Variants in SAMM50 observed in about 807,000 individuals in gnomAD.
The protein encoded by SAMM50 is SAMM50 sorting and assembly machinery component.
A neutral mutation model predicts 66.9 loss-of-function variants in SAMM50; 47 were observed. That is an observed-to-expected ratio of 0.70 (90% CI 0.56 to 0.90). The LOEUF (loss-of-function observed/expected upper bound fraction) is 0.90. Ranked by LOEUF, SAMM50 falls within the 40% of genes least tolerant of loss-of-function variation. The pLI, the probability that SAMM50 is intolerant of heterozygous loss-of-function variation, is 0.00. For missense variants in SAMM50, 535 were observed against 595.3 expected, an observed-to-expected ratio of 0.90 and a Z score of 1.05; for synonymous variants, 191 against 214.1, an observed-to-expected ratio of 0.89 and a Z score of 0.94.
intron 12 of SAMM50, among the ~76,000 whole-genome samples, chr22:43,985,337 A>T (rs549715742): frequency 6.6e-6 from 1 of 152,108 alleles, no homozygotes; most frequent in African/African-American, 2.4e-5. Context: ...TCACTGCGCT[A>T]AAAATGCTGG....
intron 4 of SAMM50, among the ~76,000 whole-genome samples, chr22:43,970,088 A>G (rs987811318): frequency 2.0e-5 from 3 of 152,224 alleles, no homozygotes; most frequent in Non-Finnish European, 4.4e-5. Flanking sequence ...AGTTTCAGCC[A>G]ACACTAACAG....
At chr22:43,971,898 A>G (rs1020212215) in intron 4 of SAMM50, among the ~76,000 whole-genome samples, 31 of 151,972 alleles carry the variant, frequency 2.0e-4, no homozygotes, top group African/African-American at 6.8e-4. Flanking sequence ...TTTTGTAGCT[A>G]TGTTGCTGGG....
intron 14 of SAMM50, 150 bp from the exon 15 acceptor site, chr22:43,996,188 G>A (rs2050353121): frequency 3.7e-6 from 3 of 809,206 alleles, no homozygotes; most frequent in Admixed American, 1.8e-5. Context: ...AGCCGGGGCC[G>A]GTGAGGGTGA....
intron 14 of SAMM50, among the ~76,000 whole-genome samples, chr22:43,994,843 C>T (rs145758258): frequency 1.0e-3 from 152 of 152,250 alleles, no homozygotes; most frequent in African/African-American, 3.5e-3. Context: ...GAGCATAAAC[C>T]TATGCTTGTG....
rs1603419900 is a variant in SAMM50 at position 43,983,537 on chromosome 22, A to G, written c.1008-396A>G. Among the ~76,000 whole-genome samples, 2 of 152,180 alleles carry G rather than the reference A, an allele frequency of 1.3e-5. No individual in the cohort carries two copies. The highest frequency in any genetic ancestry group is 3.8e-4 in the East Asian group (2 of 5,206). On this transcript the variant is annotated intron_variant, in intron 11 of 14. Transcript: ENST00000350028. The surrounding 1 kb of genome is among the most constrained non-coding windows in gnomAD (Gnocchi z 4.2). ...TGTAATATTGGGATTATACTATTAA[A>G]TAATTTGTATCCTGCTCTTCTTCCC...
At chr22:43,969,426 C>T (rs372257303) in intron 4 of SAMM50, among the ~76,000 whole-genome samples, 25 of 152,288 alleles carry the variant, frequency 1.6e-4, no homozygotes, top group East Asian at 1.3e-3. Flanking sequence ...AGACACAGGG[C>T]GTGGTCTCCT....
intron 13 of SAMM50, among the ~76,000 whole-genome samples, chr22:43,990,055 G>A (rs989099201): frequency 4.6e-5 from 7 of 152,228 alleles, no homozygotes; most frequent in African/African-American, 1.2e-4. Context: ...TTGAGAAGGC[G>A]TGGCTCATTC....
rs1461193272 is a variant in SAMM50 at position 43,977,875 on chromosome 22, C to A, written c.853C>A (p.Leu285Met). The change falls in exon 10 of 15, where the codon CTG becomes ATG. Residue 285 changes from leucine to methionine, a missense_variant. Coordinates refer to ENST00000350028, the MANE Select transcript of SAMM50 (RefSeq NM_015380.5). The stretch of plus-strand genomic sequence containing the variant: ...CCTGAGTGCTCCTTCCCTGCAGGAA[C>A]TGGCAGGCTACACTGGCGGGGATGT... ...RGALLKVNQE[L>M]AGYTGGDVSF... The A allele has an allele frequency of 6.2e-7, 1 of 1,613,268 alleles. No individual in the cohort carries two copies. Among genetic ancestry groups the A allele is most frequent in the East Asian group, 2.2e-5 (1 of 44,864 alleles).
rs2050125592 is a variant in SAMM50 at position 43,957,441 on chromosome 22, G to A, written c.21+1843G>A. ...GGTTAATTGTAACTACATTTCTTTT[G>A]AGATGGAGTCTCACTGTGTTGCCCA... On this transcript the variant is annotated intron_variant, in intron 1 of 14. Coordinates refer to ENST00000350028, the MANE Select transcript of SAMM50 (RefSeq NM_015380.5). 4 of 283,930 alleles carry A rather than the reference G, an allele frequency of 1.4e-5. No homozygotes were observed. The South Asian group carries it at 1.5e-4, about 10-fold the overall frequency. 17.6% of individuals were successfully genotyped at this position (283,930 alleles called of 1,614,324 possible). A position where few individuals can be genotyped will look rare whatever the true frequency, so the allele number is the denominator to read the frequency against.
intron 9 of SAMM50, 50 bp downstream of exon 9, chr22:43,976,871 T>C: frequency 8.5e-7 from 1 of 1,180,680 alleles, no homozygotes; most frequent in Non-Finnish European, 1.2e-6. Flanking sequence ...AGCCAAACTT[T>C]GGACAGTAGA....
Position 43,989,252 on chromosome 22 carries a change from AC to A in SAMM50, c.1218del (p.Tyr407MetfsTer60). On this transcript the variant is annotated frameshift_variant, in exon 13 of 15. Coordinates refer to ENST00000350028, the MANE Select transcript of SAMM50 (RefSeq NM_015380.5). LOFTEE classifies it high-confidence loss of function. ...FLNAGNLCNLNYGEGPKAHIR... is the reference protein window; with the variant it reads ...FLNAGNLCNLXYGEGPKAHIR... ...AACGCAGGAAACCTCTGCAACCTCA[AC>A]TATGGTAAAACTTGCGCTATTCAAG... is the stretch of plus-strand genomic sequence containing the variant. 3 of 1,613,958 alleles carry A rather than the reference AC, an allele frequency of 1.9e-6. No individual in the cohort carries two copies. Among genetic ancestry groups the A allele is most frequent in the Non-Finnish European group, 2.5e-6 (3 of 1,179,968 alleles).
intron 12 of SAMM50, 84 bp from the exon 13 acceptor site, chr22:43,989,027 T>A: frequency 7.1e-7 from 1 of 1,408,234 alleles, no homozygotes; most frequent in South Asian, 1.3e-5. Context: ...AGGACAGAAA[T>A]CTTGCTTCTG....
intron 14 of SAMM50, 42 bp from the exon 15 acceptor site, chr22:43,996,296 T>G (rs1301034510): frequency 6.2e-7 from 1 of 1,610,468 alleles, no homozygotes; most frequent in African/African-American, 1.3e-5. Context: ...ATGGCAGGGC[T>G]GGCGGAGCGG....
chr22:43,956,212 C>T (rs1209922943), intron 1 of SAMM50, among the ~76,000 whole-genome samples: 1 of 152,170 alleles, frequency 6.6e-6, no homozygotes, highest in Non-Finnish European at 1.5e-5. Flanking sequence ...AAACTCCTCT[C>T]GTTTATCCTA....
At chr22:43,968,102 C>T (rs1250273959) in intron 3 of SAMM50, among the ~76,000 whole-genome samples, 1 of 151,624 alleles carries the variant, frequency 6.6e-6, no homozygotes, top group African/African-American at 2.4e-5. Flanking sequence ...TGGTCTGTGC[C>T]TGCAATCCCA....
At chr22:43,989,407 G>A in intron 13 of SAMM50, 150 bp downstream of exon 13, 1 of 785,274 alleles carries the variant, frequency 1.3e-6, no homozygotes, top group Non-Finnish European at 1.9e-6. Flanking sequence ...CGCAATCTCG[G>A]CTCACTGCAA....
At chr22:43,957,370 C>A in intron 1 of SAMM50, 4 of 479,428 alleles carry the variant, frequency 8.3e-6, no homozygotes, top group South Asian at 5.2e-5. Flanking sequence ...GTCAATAAAT[C>A]AATGTGGATT....
At chr22:43,955,649 A>C in intron 1 of SAMM50, 51 bp downstream of exon 1, 1 of 1,542,094 alleles carries the variant, frequency 6.5e-7, no homozygotes, top group Non-Finnish European at 8.8e-7. Context: ...CCAGCAGGGC[A>C]GACGGGCGCC....
chr22:43,989,450 C>T (rs1253329495), intron 13 of SAMM50, among the ~76,000 whole-genome samples, 193 bp downstream of exon 13: 1 of 151,070 alleles, frequency 6.6e-6, no homozygotes, highest in Non-Finnish European at 1.5e-5. Context: ...GACTCTCTTG[C>T]CTCAGCCTCC....
Sources: gnomAD v4.1 joint callset for allele counts (sites outside exome capture counted in the v4.1 genomes callset) on GRCh38, gnomAD v4.1.1 for gene constraint, Gnocchi (gnomAD v3.1) non-coding constraint, MANE v1.5 for transcripts, NCBI Gene and HGNC (gene_info 2026-07-23, HGNC 2026-07-21) for gene names.